Variants in TBC1D12 observed in about 807,000 individuals in gnomAD.
TBC1D12 encodes TBC1 domain family member 12.
Under a neutral mutation model 86.7 loss-of-function variants are expected in TBC1D12, and 56 were observed. That is an observed-to-expected ratio of 0.65 (90% CI 0.52 to 0.81). The LOEUF (loss-of-function observed/expected upper bound fraction) is 0.81, where lower values mean the gene tolerates loss of function less well. TBC1D12 is among the 30% of genes least tolerant of loss of function. The pLI is 0.00. For missense variants in TBC1D12, 1,023 were observed against 1,038.8 expected (o/e 0.98, Z 0.21); for synonymous variants, 421 against 411.7 (o/e 1.02, Z -0.27).
intron 1 of TBC1D12, among the ~76,000 whole-genome samples, chr10:94,404,670 A>C (rs1461183039): frequency 6.6e-6 from 1 of 151,710 alleles, no homozygotes; most frequent in Non-Finnish European, 1.5e-5. Context: ...AAAAGAAAAG[A>C]AAGAAATTAA....
At chr10:94,498,653 A>G (rs1047752955) in intron 5 of TBC1D12, among the ~76,000 whole-genome samples, 8 of 152,062 alleles carry the variant, frequency 5.3e-5, no homozygotes, top group African/African-American at 1.9e-4. Context: ...ACAGGGCTTC[A>G]CCATATTGGC....
intron 1 of TBC1D12, among the ~76,000 whole-genome samples, chr10:94,437,995 T>G (rs1351360475): frequency 1.3e-5 from 1 of 76,662 alleles, no homozygotes; most frequent in South Asian, 5.8e-4. Context: ...CTGGAGCTTT[T>G]TTTTTTTTTT....
At chr10:94,500,404 AC>A in intron 6 of TBC1D12, 77 bp downstream of exon 6, 2 of 1,217,826 alleles carry the variant, frequency 1.6e-6, no homozygotes, top group African/African-American at 1.5e-5. Flanking sequence ...TAGTAGAGTG[AC>A]CATTAAAATA....
In TBC1D12 at chr10:94,522,417, C is replaced by T. The variant is rs1842175504; in HGVS notation, c.1964C>T (p.Ser655Phe). The T allele has an allele frequency of 1.4e-6, 2 of 1,432,048 alleles. No homozygotes were observed. Among genetic ancestry groups the T allele is most frequent in the East Asian group, 2.5e-5 (1 of 40,516 alleles). The allele number at this position is 1,432,048 out of a possible 1,614,324, so 88.7% of individuals were successfully genotyped here. Residue 655 changes from serine (S) to phenylalanine (F), a missense_variant, in exon 11 of 13, where the codon TCT becomes TTT. By Grantham distance (155) the Ser-to-Phe change is radical. Coordinates refer to ENST00000225235, the MANE Select transcript of TBC1D12 (RefSeq NM_015188.2). Reference protein sequence around the residue: ...NLSKLFLHFKSYSLTPDIYLI... With the variant: ...NLSKLFLHFKFYSLTPDIYLI... ...TCCAAATTATTTCTTCACTTCAAAT[C>T]TTACAGTCTTACACCAGATATATAC...
intron 3 of TBC1D12, among the ~76,000 whole-genome samples, chr10:94,481,309 A>G (rs953656976): frequency 6.6e-6 from 1 of 151,434 alleles, no homozygotes; most frequent in African/African-American, 2.4e-5. Flanking sequence ...CTTAGAAAAT[A>G]CTAGATGGCA....
intron 3 of TBC1D12, among the ~76,000 whole-genome samples, chr10:94,483,298 A>T (rs1329345853): frequency 6.6e-6 from 1 of 152,160 alleles, no homozygotes; most frequent in Non-Finnish European, 1.5e-5. Context: ...TTGCTGGATC[A>T]TATGGTAGCT....
chr10:94,516,513 AC>A (rs1841996173), intron 9 of TBC1D12, among the ~76,000 whole-genome samples: 1 of 151,284 alleles, frequency 6.6e-6, no homozygotes, highest in Non-Finnish European at 1.5e-5. Context: ...GGTGTGCTGC[AC>A]CCATTAACTC....
chr10:94,528,716 G>A (rs1842356621), intron 11 of TBC1D12, among the ~76,000 whole-genome samples: 1 of 151,882 alleles, frequency 6.6e-6, no homozygotes. Flanking sequence ...CAGCTACTCG[G>A]GAGGCTGAGG....
Position 94,403,568 on chromosome 10 carries a change from G to A in TBC1D12, c.955G>A (p.Ala319Thr). 6.8e-7 allele frequency: 1 copy of A among 1,475,062 alleles called. No individual in the cohort carries two copies. The highest frequency in any genetic ancestry group is 8.9e-7 in the Non-Finnish European group (1 of 1,123,334). 91.4% of individuals were successfully genotyped at this position (1,475,062 alleles called of 1,614,324 possible). The change falls in exon 1 of 13, where the codon GCG becomes ACG. Residue 319 changes from alanine (A) to threonine (T), a missense_variant. Ala to Thr is a moderately conservative substitution (Grantham distance 58, BLOSUM62 0). This residue lies in a region of TBC1D12 where 628 missense variants were observed against 531.1 expected (regional missense o/e 1.18). Coordinates refer to ENST00000225235, the MANE Select transcript of TBC1D12 (RefSeq NM_015188.2). ...CCGGGCTCGACGGAGTGGCGGCTTCGCGGACTTCTTCACCAGGTACAGCGC... is the reference window on the plus strand; with the variant it reads ...CCGGGCTCGACGGAGTGGCGGCTTCACGGACTTCTTCACCAGGTACAGCGC... The part of the protein sequence containing the change: ...SARARRSGGF[A>T]DFFTRNLFPK...
Position 94,498,793 on chromosome 10 carries a change from A to C in TBC1D12, c.1413-1428A>C, listed in dbSNP as rs576341461. ...TTGAGGGTTTTTTTTTTTCAAGACG[A>C]GGTCTCACTCTGTTGCCCAGGCTGG... On this transcript the variant is annotated intron_variant, in intron 5 of 12. Coordinates refer to ENST00000225235, the MANE Select transcript of TBC1D12 (RefSeq NM_015188.2). Among the ~76,000 whole-genome samples, 7 of 149,926 alleles carry C rather than the reference A, an allele frequency of 4.7e-5. No individual in the cohort carries two copies. In the South Asian group the frequency reaches 1.5e-3, roughly 32 times the overall value.
chr10:94,404,417 G>T (rs536254688), intron 1 of TBC1D12, among the ~76,000 whole-genome samples: 24 of 152,152 alleles, frequency 1.6e-4, no homozygotes, highest in African/African-American at 5.5e-4. Context: ...AGGCTGAGGC[G>T]GGCGGACTAT....
At chr10:94,494,860 A>T (rs1290378437) in intron 4 of TBC1D12, among the ~76,000 whole-genome samples, 1 of 151,254 alleles carries the variant, frequency 6.6e-6, no homozygotes, top group Non-Finnish European at 1.5e-5. Flanking sequence ...TTTATTTTTT[A>T]TTATGTATTT....
At chr10:94,457,698 T>C (rs1460017242) in intron 2 of TBC1D12, among the ~76,000 whole-genome samples, 1 of 152,238 alleles carries the variant, frequency 6.6e-6, no homozygotes, top group Non-Finnish European at 1.5e-5. Context: ...ATAATTTGTT[T>C]CCAGTTTTGT....
intron 1 of TBC1D12, among the ~76,000 whole-genome samples, chr10:94,404,517 G>A (rs1424847875): frequency 6.6e-6 from 1 of 151,782 alleles, no homozygotes; most frequent in Non-Finnish European, 1.5e-5. Context: ...GTGGTGGCAG[G>A]TGCTTGTAAT....
intron 1 of TBC1D12, among the ~76,000 whole-genome samples, chr10:94,422,250 C>T (rs1012505913): frequency 2.2e-5 from 3 of 133,844 alleles, no homozygotes; most frequent in African/African-American, 5.8e-5. Context: ...AATGCAGTGT[C>T]GCGATCTCAG....
intron 3 of TBC1D12, among the ~76,000 whole-genome samples, chr10:94,490,499 CTG>C (rs2056231552): frequency 6.6e-6 from 1 of 152,154 alleles, no homozygotes; most frequent in Non-Finnish European, 1.5e-5. Flanking sequence ...ATCCTATTAT[CTG>C]TGACATTTTT....
chr10:94,472,055 A>G, intron 2 of TBC1D12, among the ~76,000 whole-genome samples: 1 of 152,284 alleles, frequency 6.6e-6, no homozygotes, highest in South Asian at 2.1e-4. Context: ...AGGCATTGTC[A>G]GTCTGATCTA....
chr10:94,507,688 TC>T (rs2056477531), intron 7 of TBC1D12, among the ~76,000 whole-genome samples: 1 of 152,170 alleles, frequency 6.6e-6, no homozygotes, highest in Non-Finnish European at 1.5e-5. Flanking sequence ...AAATATTTTT[TC>T]AATAATAAAT....
intron 1 of TBC1D12, among the ~76,000 whole-genome samples, chr10:94,406,780 C>G (rs1368397876): frequency 2.0e-5 from 3 of 152,202 alleles, no homozygotes; most frequent in Non-Finnish European, 4.4e-5. Flanking sequence ...GGGATGGAAT[C>G]TTGTTCTTGG....
Sources: gnomAD v4.1 joint callset for allele counts (sites outside exome capture counted in the v4.1 genomes callset) on GRCh38, gnomAD v4.1.1 for gene constraint, gnomAD v4.1.1 regional missense constraint, MANE v1.5 for transcripts, NCBI Gene and HGNC (gene_info 2026-07-23, HGNC 2026-07-21) for gene names.